The following TGFBI variants were observed in gnomAD, a reference collection of about 807,000 sequenced individuals.
The protein encoded by TGFBI is transforming growth factor beta induced, also known as transforming growth factor-beta-induced protein ig-h3.
A neutral mutation model predicts 73.7 loss-of-function variants in TGFBI; 50 were observed. The ratio of observed to expected loss-of-function variants is 0.68; its 90% CI spans 0.54 to 0.86. TGFBI has a LOEUF of 0.86. Among genes scored for constraint, TGFBI ranks in the 40% least tolerant of loss-of-function variants. TGFBI has a pLI of 0.00. For synonymous variants in TGFBI, 362 were observed against 360.5 expected, an observed-to-expected ratio of 1.00 and a Z score of -0.05; for missense variants, 839 against 877.0, an observed-to-expected ratio of 0.96 and a Z score of 0.55.
rs555754132 is a variant in TGFBI, at chr5:136,029,656, G to A, written c.134+467G>A. On this transcript the variant is annotated intron_variant, in intron 1 of 16. Transcript: ENST00000442011. The stretch of plus-strand genomic sequence containing the variant: ...GCCACACACGGTGGCAGCATCTAAG[G>A]TGCCCCAGGCTCCTGTGCTCCTGGC... Among the ~76,000 whole-genome samples, 6 of 152,268 alleles carry A rather than the reference G, an allele frequency of 3.9e-5. No homozygotes were observed. The South Asian group carries it at 1.2e-3, about 32-fold the overall frequency.
In TGFBI at chr5:136,058,140, G is replaced by C. The variant is rs772523563; in HGVS notation, c.1679-950G>C. Among the ~76,000 whole-genome samples the C allele has an allele frequency of 1.1e-4, 17 of 152,266 alleles. No individual in the cohort carries two copies. The Middle Eastern group carries it at 0.014, about 122-fold the overall frequency. ...TCTGTACTTCCAGGCAATATTTTGT[G>C]GAAGGGGAACCTTGTCAGCTCCAGG... On this transcript the variant is annotated intron_variant, in intron 12 of 16. Coordinates refer to ENST00000442011, the MANE Select transcript of TGFBI (RefSeq NM_000358.3).
chr5:136,055,719 A>G lies in TGFBI; in HGVS notation c.1450A>G (p.Lys484Glu), dbSNP rs755211334. 1 of 1,610,876 alleles carries G rather than the reference A, an allele frequency of 6.2e-7. No homozygotes were observed. ...IENSCIAAHD[K>E]RGRYGTLFTM... ...GAACAGCTGCATCGCGGCCCACGACAAGAGGGGGAGGTACGGGACCCTGTT... is the reference window on the plus strand; with the variant it reads ...GAACAGCTGCATCGCGGCCCACGACGAGAGGGGGAGGTACGGGACCCTGTT... Residue 484 changes from lysine (K) to glutamate (E), a missense_variant, in exon 11 of 17, where the codon AAG becomes GAG. Physicochemically the swap from Lys to Glu is moderately conservative, Grantham distance 56. Coordinates refer to ENST00000442011, the MANE Select transcript of TGFBI (RefSeq NM_000358.3).
At chr5:136,051,522 A>G (rs1431060398) in intron 7 of TGFBI, among the ~76,000 whole-genome samples, 1 of 152,244 alleles carries the variant, frequency 6.6e-6, no homozygotes, top group Non-Finnish European at 1.5e-5. Flanking sequence ...CCCTTTTGCA[A>G]ATCTGCCTTT....
rs1175247090 is a variant in TGFBI at position 136,033,837 on chromosome 5, A to G, written c.209A>G (p.Gln70Arg). The G allele has an allele frequency of 6.2e-7, 1 of 1,613,866 alleles. No homozygotes were observed. The highest frequency in any genetic ancestry group is 2.2e-5 in the East Asian group (1 of 44,886). The change falls in exon 2 of 17, where the codon CAA (glutamine) becomes CGA (arginine). Residue 70 changes from glutamine (Q) to arginine (R), a missense_variant. Coordinates refer to ENST00000442011, the MANE Select transcript of TGFBI (RefSeq NM_000358.3). ...KYFTNCKQWY[Q>R]RKICGKSTVI... Reference sequence around the variant, plus strand: ...TTCACCAACTGCAAGCAGTGGTACCAAAGGAAAATCTGTGGCAAATCAACG... The same window carrying G: ...TTCACCAACTGCAAGCAGTGGTACCGAAGGAAAATCTGTGGCAAATCAACG...
chr5:136,058,589 T>C (rs1435080212), intron 12 of TGFBI, among the ~76,000 whole-genome samples: 1 of 152,182 alleles, frequency 6.6e-6, no homozygotes, highest in African/African-American at 2.4e-5. Flanking sequence ...CTCTTTTAAG[T>C]TCTCCCTTCA....
At position 136,029,019 on chromosome 5, in the gene TGFBI, C is replaced by G. The variant is rs755265459; in HGVS notation, c.-37C>G. 14 of 1,512,078 alleles carry G rather than the reference C, an allele frequency of 9.3e-6. No homozygotes were observed. In the South Asian group the frequency reaches 1.3e-4, roughly 15 times the overall value. The allele number at this position is 1,512,078 out of a possible 1,614,324, so 93.7% of individuals were successfully genotyped here. A position where few individuals can be genotyped will look rare whatever the true frequency, so the allele number is the denominator to read the frequency against. ...TCCCTGGAGCCGCCCGCTTGCCCGT[C>G]GGTCGCTAGCTCGCTCGGTGCGCGT... On this transcript the variant is annotated 5_prime_UTR_variant, in exon 1 of 17. Transcript: ENST00000442011.
At chr5:136,039,717 T>C (rs1271611059) in intron 2 of TGFBI, among the ~76,000 whole-genome samples, 1 of 152,216 alleles carries the variant, frequency 6.6e-6, no homozygotes. Context: ...CTGAAGACTC[T>C]GTCCTCATCA....
chr5:136,037,411 G>A (rs1751246570), intron 2 of TGFBI, among the ~76,000 whole-genome samples: 1 of 152,172 alleles, frequency 6.6e-6, no homozygotes, highest in Admixed American at 6.5e-5. Context: ...GGCACTTTGA[G>A]CAAAGGTGCA....
chr5:136,046,518 G>T (rs755476995), intron 4 of TGFBI, 23 bp downstream of exon 4: 17 of 1,583,198 alleles, frequency 1.1e-5, no homozygotes, highest in Non-Finnish European at 1.5e-5. Context: ...CCGTCTGCCC[G>T]GGGGACTCTT....
chr5:136,039,585 C>T (rs188688013), intron 2 of TGFBI, among the ~76,000 whole-genome samples: 7 of 152,326 alleles, frequency 4.6e-5, no homozygotes, highest in Admixed American at 1.3e-4. Flanking sequence ...TAAAGGGGAT[C>T]CCCAAGACCG....
intron 8 of TGFBI, 104 bp from the exon 9 acceptor site, chr5:136,053,839 C>A: frequency 6.5e-7 from 1 of 1,533,932 alleles, no homozygotes; most frequent in Non-Finnish European, 8.9e-7. Context: ...GTTGTTGACT[C>A]ACGAGATGAC....
At chr5:136,057,986 G>A (rs1041257654) in intron 12 of TGFBI, among the ~76,000 whole-genome samples, 1 of 152,058 alleles carries the variant, frequency 6.6e-6, no homozygotes, top group Non-Finnish European at 1.5e-5. Context: ...GGAGGGGGAT[G>A]GGAAAAGCTT....
Position 136,035,518 on chromosome 5 carries a change from G to A in TGFBI, c.233+1657G>A, listed in dbSNP as rs1040747315. ...CGGGCACCTGTAGTCCCAGCTACTC[G>A]GGAGGCTGAGGCAGGAGAATGGCGT... is the stretch of plus-strand genomic sequence containing the variant. On this transcript the variant is annotated intron_variant, in intron 2 of 16. Transcript: ENST00000442011. Among the ~76,000 whole-genome samples the A allele has an allele frequency of 5.9e-5, 9 of 151,590 alleles. No individual in the cohort carries two copies. The South Asian group carries it at 6.3e-4, about 11-fold the overall frequency.
rs774597247 is a variant in TGFBI, at chr5:136,054,004, A to G, written c.1188A>G (p.Arg396=). 3.1e-6 allele frequency: 5 copies of G among 1,613,888 alleles called. No homozygotes were observed. The highest frequency in any genetic ancestry group is 4.5e-5 in the East Asian group (2 of 44,890). Residue 396 remains arginine, a synonymous_variant, in exon 9 of 17, where the codon AGA becomes AGG. Coordinates refer to ENST00000442011, the MANE Select transcript of TGFBI (RefSeq NM_000358.3). ...TGTCCACAGCCATTGACCTTTTCAG[A>G]CAAGCCGGCCTCGGCAATCATCTCT... ...SDVSTAIDLF[R]QAGLGNHLSG...
At position 136,042,954 on chromosome 5, in the gene TGFBI, G is replaced by A. The variant is rs576358246; in HGVS notation, c.234-1104G>A. Among the ~76,000 whole-genome samples the A allele has an allele frequency of 6.6e-5, 10 of 152,244 alleles. No individual in the cohort carries two copies. In the South Asian group the frequency reaches 1.7e-3, roughly 25 times the overall value. On this transcript the variant is annotated intron_variant, in intron 2 of 16. Transcript: ENST00000442011. ...CCTAAAGCCTGTATTTCTTCCAGTC[G>A]GCCTGTTTCTTTCCTGGTGATGTCA...
chr5:136,032,327 C>CA, intron 1 of TGFBI, among the ~76,000 whole-genome samples: 1 of 152,096 alleles, frequency 6.6e-6, no homozygotes, highest in Non-Finnish European at 1.5e-5. Flanking sequence ...ACCTGTTGAA[C>CA]AAAAAACTGG....
At chr5:136,058,009 C>G (rs1751680469) in intron 12 of TGFBI, among the ~76,000 whole-genome samples, 1 of 152,082 alleles carries the variant, frequency 6.6e-6, no homozygotes, top group Admixed American at 6.5e-5. Context: ...CAAACACACC[C>G]TCCCCCAGGC....
chr5:136,063,760 G>T lies in TGFBI; in HGVS notation c.*534G>T, dbSNP rs1284276296. 6.2e-6 allele frequency: 1 copy of T among 162,180 alleles called. No homozygotes were observed. The highest frequency in any genetic ancestry group is 1.4e-5 in the Non-Finnish European group (1 of 74,046). 10.0% of individuals were successfully genotyped at this position (162,180 alleles called of 1,614,324 possible). A position where few individuals can be genotyped will look rare whatever the true frequency, so the allele number is the denominator to read the frequency against. ...GAAAAGAAATGGTATGTAGAGCTTAGATTTCCCTATTGTGACAGAGCCATG... is the reference window on the plus strand; with the variant it reads ...GAAAAGAAATGGTATGTAGAGCTTATATTTCCCTATTGTGACAGAGCCATG... On this transcript the variant is annotated 3_prime_UTR_variant, in exon 17 of 17. Coordinates refer to ENST00000442011, the MANE Select transcript of TGFBI (RefSeq NM_000358.3).
intron 2 of TGFBI, among the ~76,000 whole-genome samples, chr5:136,034,675 A>AGCTCC (rs1251346434): frequency 6.6e-6 from 1 of 152,040 alleles, no homozygotes. Flanking sequence ...CTTTTACCCC[A>AGCTCC]CTGCCCAGCT....
Sources: allele counts gnomAD v4.1 joint callset (sites outside exome capture counted in the v4.1 genomes callset), GRCh38; gene constraint gnomAD v4.1.1; transcripts MANE v1.5; gene names NCBI Gene and HGNC (gene_info 2026-07-23, HGNC 2026-07-21).